GLYATL1: variants seen among roughly 807,000 people sequenced by gnomAD.
GLYATL1 encodes glycine N-acyltransferase-like protein 1.
Under a neutral mutation model 20.0 loss-of-function variants are expected in GLYATL1, and 15 were observed. The ratio of observed to expected loss-of-function variants is 0.75; its 90% CI spans 0.50 to 1.15. The LOEUF (loss-of-function observed/expected upper bound fraction) is 1.15. GLYATL1 is among the 50% of genes most tolerant of loss of function. The pLI, the probability that GLYATL1 is intolerant of heterozygous loss-of-function variation, is 0.00. For missense variants in GLYATL1, 380 were observed against 368.5 expected (o/e 1.03, Z -0.26); for synonymous variants, 151 against 131.5 (o/e 1.15, Z -1.01).
chr11:58,914,902 G>A, intron 1 of GLYATL1, among the ~76,000 whole-genome samples: 1 of 152,176 alleles, frequency 6.6e-6, no homozygotes, highest in East Asian at 1.9e-4. Flanking sequence ...TAGGGATTGA[G>A]AGTAATCTCA....
chr11:58,946,181 T>G (rs1856555782), intron 2 of GLYATL1, among the ~76,000 whole-genome samples: 1 of 152,190 alleles, frequency 6.6e-6, no homozygotes, highest in South Asian at 2.1e-4. Context: ...TGAAGTCAAT[T>G]AAAAAAACTA....
At chr11:58,925,303 C>T (rs1590773222), upstream of GLYATL1, among the ~76,000 whole-genome samples, 1 of 152,166 alleles carries the variant, frequency 6.6e-6, no homozygotes, top group African/African-American at 2.4e-5. Context: ...GAATTTTTTA[C>T]AATTAACATT....
chr11:58,920,541 C>G (rs1016320515), intron 1 of GLYATL1, among the ~76,000 whole-genome samples: 2 of 152,102 alleles, frequency 1.3e-5, no homozygotes, highest in Non-Finnish European at 2.9e-5. Flanking sequence ...ACTCAATGTC[C>G]GGGTCTCCGA....
intron 1 of GLYATL1, among the ~76,000 whole-genome samples, chr11:58,918,343 T>G (rs1465891437): frequency 1.3e-5 from 2 of 152,264 alleles, no homozygotes; most frequent in Non-Finnish European, 2.9e-5. Context: ...TTTCACATCT[T>G]GGCAGTCATT....
intron 1 of GLYATL1, among the ~76,000 whole-genome samples, chr11:58,941,217 A>G (rs1397672187): frequency 8.8e-6 from 1 of 114,070 alleles, no homozygotes; most frequent in Non-Finnish European, 1.7e-5. Flanking sequence ...CAGTCCCCAG[A>G]GTGTGATGTT....
At chr11:58,937,019 T>C (rs1855867150), upstream of GLYATL1, among the ~76,000 whole-genome samples, 2 of 152,206 alleles carry the variant, frequency 1.3e-5, no homozygotes, top group Non-Finnish European at 2.9e-5. Context: ...GTTGTTTATA[T>C]CAAACTCCAG....
chr11:58,935,554 T>C (rs1245529384), upstream of GLYATL1: 1 of 152,200 alleles, frequency 6.6e-6, no homozygotes, highest in Non-Finnish European at 1.5e-5. Context: ...CATAGATAGT[T>C]GTTTAAATTG....
intron 4 of GLYATL1, among the ~76,000 whole-genome samples, chr11:58,950,642 A>C (rs887636411): frequency 6.6e-6 from 1 of 152,208 alleles, no homozygotes; most frequent in Non-Finnish European, 1.5e-5. Flanking sequence ...GGCAATGCCA[A>C]ATTACCTTCC....
chr11:58,939,414 A>T (rs1855983988), upstream of GLYATL1: 1 of 152,152 alleles, frequency 6.6e-6, no homozygotes, highest in Non-Finnish European at 1.5e-5. Context: ...CTGTGTGGTG[A>T]GCTGCAGGAC....
intron 1 of GLYATL1, among the ~76,000 whole-genome samples, chr11:58,918,693 G>T (rs1855238020): frequency 6.6e-6 from 1 of 152,126 alleles, no homozygotes; most frequent in African/African-American, 2.4e-5. Flanking sequence ...AAAGTTATTG[G>T]GCCTAAAATT....
chr11:58,907,714 C>A (rs1200752063), exon 2 of GLYATL1: 1 of 199,082 alleles, frequency 5.0e-6, no homozygotes. Flanking sequence ...GTTAATTTCA[C>A]AACTTTGGGT....
intron 4 of GLYATL1, among the ~76,000 whole-genome samples, chr11:58,950,944 A>G (rs1366621583): frequency 6.6e-6 from 1 of 152,178 alleles, no homozygotes; most frequent in East Asian, 1.9e-4. Flanking sequence ...TTTGGAAACT[A>G]GGGATACTAA....
At chr11:58,950,573 C>T (rs1856923620) in intron 4 of GLYATL1, among the ~76,000 whole-genome samples, 1 of 152,188 alleles carries the variant, frequency 6.6e-6, no homozygotes, top group Non-Finnish European at 1.5e-5. Context: ...AAATTTTTCT[C>T]AGTACAACTG....
At position 58,944,110 on chromosome 11, in the gene GLYATL1, A is replaced by T. The variant is rs540370507; in HGVS notation, c.-43+444A>T. Among the ~76,000 whole-genome samples the T allele has an allele frequency of 1.2e-4, 19 of 152,304 alleles. No individual in the cohort carries two copies. In the South Asian group the frequency reaches 3.9e-3, roughly 32 times the overall value. On this transcript the variant is annotated intron_variant, in intron 2 of 6. Coordinates refer to ENST00000532726, the MANE Select transcript of GLYATL1 (RefSeq NM_001389712.2). ...TCTGGCTTATACATTAGGACTGTAT[A>T]CCAAGTCTTACAGAAATGGCAAAAC...
chr11:58,945,665 C>A (rs1409593522), intron 2 of GLYATL1, among the ~76,000 whole-genome samples: 1 of 151,794 alleles, frequency 6.6e-6, no homozygotes, highest in African/African-American at 2.4e-5. Context: ...TGGGTATGGG[C>A]AATTTTAGTT....
chr11:58,947,801 C>A, intron 3 of GLYATL1, 57 bp from the exon 4 acceptor site: 1 of 1,168,606 alleles, frequency 8.6e-7, no homozygotes, highest in South Asian at 1.2e-5. Context: ...TCTTCACAAC[C>A]AGATCCTCAT....
At chr11:58,931,777 T>C (rs1410661903) in intron 1 of GLYATL1, among the ~76,000 whole-genome samples, 1 of 152,082 alleles carries the variant, frequency 6.6e-6, no homozygotes, top group Non-Finnish European at 1.5e-5. Flanking sequence ...ACACGTATGA[T>C]GAATAAGCAA....
In GLYATL1 at chr11:58,955,242, A is replaced by G. The variant is rs1382502857; in HGVS notation, c.380A>G (p.His127Arg). The change falls in exon 6 of 7, where the codon CAT (histidine) becomes CGT (arginine). Residue 127 changes from histidine to arginine, a missense_variant. Physicochemically the swap from His to Arg is conservative, Grantham distance 29. Transcript: ENST00000532726. The stretch of plus-strand genomic sequence containing the variant: ...TTTTCAAAGTCAGTGAAAGTAGAGC[A>G]TTCGAGAGCACTCCTCTTGGTTACG... ...ATFSKSVKVEHSRALLLVTED... is the reference protein window; with the variant it reads ...ATFSKSVKVERSRALLLVTED... The G allele has an allele frequency of 1.9e-6, 3 of 1,614,162 alleles. No individual in the cohort carries two copies. Among genetic ancestry groups the G allele is most frequent in the Non-Finnish European group, 2.5e-6 (3 of 1,179,972 alleles).
intron 1 of GLYATL1, among the ~76,000 whole-genome samples, chr11:58,932,250 G>A (rs1249568207): frequency 6.6e-6 from 1 of 151,818 alleles, no homozygotes; most frequent in Non-Finnish European, 1.5e-5. Flanking sequence ...CCACAGAATT[G>A]GCAAACATTA....
Sources: gnomAD v4.1 joint callset for allele counts (sites outside exome capture counted in the v4.1 genomes callset) on GRCh38, gnomAD v4.1.1 for gene constraint, MANE v1.5 for transcripts, NCBI Gene and HGNC (gene_info 2026-07-23, HGNC 2026-07-21) for gene names.